ADCY5: variants seen among roughly 807,000 people sequenced by gnomAD.
ADCY5 encodes the protein adenylate cyclase type 5.
ADCY5 carries 30 observed loss-of-function variants against 119.7 expected under a neutral mutation model. The observed-to-expected ratio is 0.25, with a 90% CI of 0.19 to 0.34. The LOEUF (loss-of-function observed/expected upper bound fraction) is 0.34, where lower values mean the gene tolerates loss of function less well. ADCY5 is among the 10% of genes least tolerant of loss of function. The pLI, the probability that ADCY5 is intolerant of heterozygous loss-of-function variation, is 1.00. For missense variants in ADCY5, 1,324 were observed against 1,775.2 expected (o/e 0.75, Z 4.57); for synonymous variants, 753 against 762.2 (o/e 0.99, Z 0.20).
intron 1 of ADCY5, among the ~76,000 whole-genome samples, chr3:123,356,193 C>A (rs1192219106): frequency 2.6e-5 from 4 of 152,050 alleles, no homozygotes; most frequent in South Asian, 2.1e-4. Context: ...AGATATAAAA[C>A]CCTTAGAAGA....
intron 1 of ADCY5, among the ~76,000 whole-genome samples, chr3:123,428,412 T>C (rs1025678520): frequency 1.3e-5 from 2 of 152,226 alleles, no homozygotes; most frequent in African/African-American, 4.8e-5. Context: ...ACATAGGTTC[T>C]GCTACCAGGC....
intron 1 of ADCY5, among the ~76,000 whole-genome samples, chr3:123,443,652 T>C (rs558618440): frequency 3.9e-5 from 6 of 152,166 alleles, no homozygotes; most frequent in South Asian, 2.1e-4. Context: ...TAGGTTCAAA[T>C]AGGCACAAAA....
chr3:123,447,699 T>A lies in ADCY5; in HGVS notation c.847A>T (p.Ile283Phe), dbSNP rs375278233. 5.0e-6 allele frequency: 8 copies of A among 1,604,008 alleles called. No individual in the cohort carries two copies. In the African/African-American group the frequency reaches 9.4e-5, roughly 19 times the overall value. The change falls in exon 1 of 21, where the codon ATC becomes TTC. Residue 283 changes from isoleucine (I) to phenylalanine (F), a missense_variant. By Grantham distance (21) the Ile-to-Phe change is conservative. Transcript: ENST00000462833. ...VLAAAVGVIL[I>F]MAVLCNRAAF... ...GCGCGGTTGCAAAGCACAGCCATGA[T>A]GAGGATCACGCCGACGGCGGCCGCC... is the stretch of plus-strand genomic sequence containing the variant.
chr3:123,328,512 C>A, intron 6 of ADCY5, 132 bp downstream of exon 6: 2 of 1,085,362 alleles, frequency 1.8e-6, no homozygotes, highest in Non-Finnish European at 2.7e-6. Flanking sequence ...CACCCCAGCG[C>A]CCCCACAGGT....
chr3:123,322,424 C>T (rs1364401677), intron 8 of ADCY5, among the ~76,000 whole-genome samples: 1 of 152,168 alleles, frequency 6.6e-6, no homozygotes, highest in Non-Finnish European at 1.5e-5. Flanking sequence ...GGGGCTGGGA[C>T]CATCCTAACC....
At chr3:123,295,508 G>A (rs1055355696) in intron 17 of ADCY5, among the ~76,000 whole-genome samples, 3 of 152,216 alleles carry the variant, frequency 2.0e-5, no homozygotes, top group Admixed American at 1.3e-4. Context: ...GCAGCCTGGA[G>A]AGCCAAGTGC....
At position 123,447,647 on chromosome 3, in the gene ADCY5, A is replaced by G; in HGVS notation, c.899T>C (p.Leu300Pro). The change falls in exon 1 of 21, where the codon CTG becomes CCG. Residue 300 changes from leucine to proline, a missense_variant. Around this residue, in one of 6 missense-constraint regions of ADCY5, gnomAD observed 585 missense variants for 569.9 expected, o/e 1.03. Transcript: ENST00000462833. ...CACGGCGATGAGCGCATAGCAGGCC[A>G]GGCCCATGTGGTCCTGGTGGAAGGC... The part of the protein sequence containing the change: ...RAAFHQDHMG[L>P]ACYALIAVVL... The G allele has an allele frequency of 6.2e-7, 1 of 1,608,752 alleles. No homozygotes were observed. Among genetic ancestry groups the G allele is most frequent in the Non-Finnish European group, 8.5e-7 (1 of 1,177,964 alleles).
chr3:123,420,653 TC>T (rs1346872675), intron 1 of ADCY5, among the ~76,000 whole-genome samples: 1 of 152,158 alleles, frequency 6.6e-6, no homozygotes, highest in African/African-American at 2.4e-5. Flanking sequence ...ACACTGTTTG[TC>T]CCTGGGGGGT....
At chr3:123,442,514 G>A (rs1470890778) in intron 1 of ADCY5, among the ~76,000 whole-genome samples, 3 of 152,240 alleles carry the variant, frequency 2.0e-5, no homozygotes, top group Admixed American at 6.5e-5. Flanking sequence ...AACTGATTTT[G>A]AAACTCTCTG....
chr3:123,390,941 C>G (rs868524674), intron 1 of ADCY5, among the ~76,000 whole-genome samples: 44 of 151,308 alleles, frequency 2.9e-4, no homozygotes, highest in African/African-American at 1.0e-3. Flanking sequence ...AGGCCTCCCT[C>G]TTCCCTGGAA....
At chr3:123,338,259 G>A (rs574691502) in intron 3 of ADCY5, among the ~76,000 whole-genome samples, 8 of 152,276 alleles carry the variant, frequency 5.3e-5, no homozygotes, top group East Asian at 3.9e-4. Flanking sequence ...CCAGGTGTGC[G>A]GAAACCCAGG....
In ADCY5 at chr3:123,330,878, T is replaced by C; in HGVS notation, c.1646+11A>G. On this transcript the variant is annotated intron_variant, in intron 5 of 20. Coordinates refer to ENST00000462833, the MANE Select transcript of ADCY5 (RefSeq NM_183357.3). ...AGGGAGGGAGACGGTACCCGGGGGG[T>C]GGACACTTACGAGATGGCCTCGATC... 6.2e-7 allele frequency: 1 copy of C among 1,603,410 alleles called. No individual in the cohort carries two copies. The highest frequency in any genetic ancestry group is 1.3e-5 in the African/African-American group (1 of 74,306).
In ADCY5 at chr3:123,319,781, C is replaced by T. The variant is rs1440659910; in HGVS notation, c.2149G>A (p.Asp717Asn). 6.2e-7 allele frequency: 1 copy of T among 1,614,230 alleles called. No homozygotes were observed. Among genetic ancestry groups the T allele is most frequent in the Non-Finnish European group, 8.5e-7 (1 of 1,180,030 alleles). Reference sequence around the variant, plus strand: ...TCAATGGCACGGCCCAGAAACTCATCCACTTCATCCTCAGGGTTCGCACTC... The same window carrying T: ...TCAATGGCACGGCCCAGAAACTCATTCACTTCATCCTCAGGGTTCGCACTC... ...QESANPEDEVDEFLGRAIDAR... is the reference protein window; with the variant it reads ...QESANPEDEVNEFLGRAIDAR... Residue 717 changes from aspartate (D) to asparagine (N), a missense_variant, in exon 10 of 21, where the codon GAT becomes AAT. Transcript: ENST00000462833.
chr3:123,439,206 T>C (rs1945679973), intron 1 of ADCY5, among the ~76,000 whole-genome samples: 1 of 151,112 alleles, frequency 6.6e-6, no homozygotes, highest in East Asian at 2.0e-4. Flanking sequence ...TAGCTGGGAC[T>C]ACAGGCGCCC....
chr3:123,285,250 T>C (rs965658927), intron 20 of ADCY5, among the ~76,000 whole-genome samples: 1 of 152,102 alleles, frequency 6.6e-6, no homozygotes, highest in Non-Finnish European at 1.5e-5. Flanking sequence ...AGGTGACTAA[T>C]GTTATTACCC....
chr3:123,352,716 G>T lies in ADCY5; in HGVS notation c.1135-135C>A. ...AAATGCTGAGGGCACCCCACACGCG[G>T]CCAACCACTGTGAGCAGCCGAGCAT... On this transcript the variant is annotated intron_variant, in intron 1 of 20. Coordinates refer to ENST00000462833, the MANE Select transcript of ADCY5 (RefSeq NM_183357.3). The surrounding 1 kb of genome is among the most constrained non-coding windows in gnomAD (Gnocchi z 4.8). 2.9e-6 allele frequency: 3 copies of T among 1,026,716 alleles called. No individual in the cohort carries two copies. The highest frequency in any genetic ancestry group is 4.1e-6 in the Non-Finnish European group (3 of 726,486). The allele number at this position is 1,026,716 out of a possible 1,614,324, so 63.6% of individuals were successfully genotyped here.
chr3:123,342,607 T>C (rs1486136840), intron 3 of ADCY5, among the ~76,000 whole-genome samples: 1 of 152,148 alleles, frequency 6.6e-6, no homozygotes. Flanking sequence ...CTGCGGGGAA[T>C]GTTTCTTAGG....
chr3:123,326,721 C>T (rs1408730134), intron 7 of ADCY5, among the ~76,000 whole-genome samples: 1 of 152,200 alleles, frequency 6.6e-6, no homozygotes, highest in African/African-American at 2.4e-5. Context: ...GGGTCTGACA[C>T]AGCTCCCATG....
At chr3:123,358,576 G>A (rs909334292) in intron 1 of ADCY5, among the ~76,000 whole-genome samples, 1 of 152,060 alleles carries the variant, frequency 6.6e-6, no homozygotes, top group Non-Finnish European at 1.5e-5. Context: ...CTCTAGCCTG[G>A]GCAACAAAGC....
Sources: gnomAD v4.1 joint callset for allele counts (sites outside exome capture counted in the v4.1 genomes callset) on GRCh38, gnomAD v4.1.1 for gene constraint, gnomAD v4.1.1 regional missense constraint, Gnocchi (gnomAD v3.1) non-coding constraint, MANE v1.5 for transcripts, NCBI Gene and HGNC (gene_info 2026-07-23, HGNC 2026-07-21) for gene names.